The following MBOAT1 variants were observed in gnomAD, a reference collection of about 807,000 sequenced individuals.
The protein encoded by MBOAT1 is membrane bound glycerophospholipid O-acyltransferase 1.
Under a neutral mutation model 64.4 loss-of-function variants are expected in MBOAT1, and 67 were observed. That is an observed-to-expected ratio of 1.04 (90% confidence interval 0.85 to 1.27). The LOEUF is 1.27. Ranked by LOEUF, MBOAT1 falls within the 50% of genes most tolerant of loss-of-function variation. MBOAT1 has a pLI of 0.00. For synonymous variants in MBOAT1, 229 were observed against 218.9 expected (o/e 1.05, Z -0.41); for missense variants, 563 against 604.6 (o/e 0.93, Z 0.72).
intron 1 of MBOAT1, among the ~76,000 whole-genome samples, chr6:20,191,118 G>A (rs1581458366): frequency 6.6e-6 from 1 of 152,238 alleles, no homozygotes; most frequent in East Asian, 1.9e-4. Context: ...ACCAGTGTAT[G>A]AGGGCAGAAT....
chr6:20,181,459 G>A (rs148291597), intron 1 of MBOAT1, among the ~76,000 whole-genome samples: 2 of 152,016 alleles, frequency 1.3e-5, no homozygotes, highest in African/African-American at 4.8e-5. Flanking sequence ...GCTGGCCTTT[G>A]CGTCCATCTG....
At chr6:20,193,249 G>C (rs1466060303) in intron 1 of MBOAT1, among the ~76,000 whole-genome samples, 1 of 151,164 alleles carries the variant, frequency 6.6e-6, no homozygotes, top group African/African-American at 2.4e-5. Context: ...CTCCTGATCC[G>C]CCCGCCTAGG....
chr6:20,198,306 T>C (rs1159607814), intron 1 of MBOAT1, among the ~76,000 whole-genome samples: 5 of 151,722 alleles, frequency 3.3e-5, no homozygotes, highest in Admixed American at 6.6e-5. Context: ...ACGAAGCAAA[T>C]GGCAATCTTC....
intron 12 of MBOAT1, among the ~76,000 whole-genome samples, chr6:20,106,186 CT>C (rs1162644067): frequency 2.6e-5 from 4 of 152,208 alleles, no homozygotes; most frequent in African/African-American, 9.6e-5. Context: ...AATTTTATTT[CT>C]TCGCCAGATT....
At chr6:20,172,992 T>C (rs1009707718) in intron 1 of MBOAT1, among the ~76,000 whole-genome samples, 4 of 152,194 alleles carry the variant, frequency 2.6e-5, no homozygotes, top group Admixed American at 2.6e-4. Context: ...CTCGTGATAG[T>C]GAGTGAGTTC....
intron 11 of MBOAT1, among the ~76,000 whole-genome samples, chr6:20,110,693 T>C (rs1023639631): frequency 8.5e-5 from 13 of 152,174 alleles, no homozygotes; most frequent in Non-Finnish European, 2.9e-5. Context: ...TATGTATCCA[T>C]GTTAATATTC....
intron 1 of MBOAT1, among the ~76,000 whole-genome samples, chr6:20,177,244 C>T (rs1465584369): frequency 6.6e-6 from 1 of 152,188 alleles, no homozygotes; most frequent in East Asian, 1.9e-4. Context: ...AAGCAGCCAA[C>T]AGATGGGTTT....
chr6:20,102,806 TG>T (rs1759840228), intron 12 of MBOAT1, among the ~76,000 whole-genome samples: 2 of 152,212 alleles, frequency 1.3e-5, no homozygotes, highest in Admixed American at 1.3e-4. Context: ...CAGCCAATGA[TG>T]GACCACATTA....
intron 9 of MBOAT1, among the ~76,000 whole-genome samples, chr6:20,117,251 T>C (rs16883362): frequency 4.6e-5 from 7 of 152,232 alleles, no homozygotes; most frequent in Admixed American, 2.6e-4. Context: ...TCTAGGACTA[T>C]ACAAAAATGA....
chr6:20,137,215 G>C (rs937377715), intron 4 of MBOAT1, among the ~76,000 whole-genome samples: 1 of 152,194 alleles, frequency 6.6e-6, no homozygotes, highest in African/African-American at 2.4e-5. Context: ...CCCACTAGCA[G>C]TACATAAGAG....
chr6:20,125,527 T>C (rs1211206835), intron 7 of MBOAT1, among the ~76,000 whole-genome samples: 1 of 152,216 alleles, frequency 6.6e-6, no homozygotes, highest in Non-Finnish European at 1.5e-5. Flanking sequence ...AAGTGTTTCC[T>C]TGGAGAGTGG....
intron 1 of MBOAT1, among the ~76,000 whole-genome samples, chr6:20,168,733 G>C (rs1289693757): frequency 9.2e-6 from 1 of 108,808 alleles, no homozygotes; most frequent in Non-Finnish European, 1.9e-5. Context: ...GGAAGGAAAA[G>C]GAAGGGAGGG....
chr6:20,129,365 C>G (rs1380362843), intron 5 of MBOAT1, among the ~76,000 whole-genome samples: 3 of 152,184 alleles, frequency 2.0e-5, no homozygotes, highest in African/African-American at 7.2e-5. Flanking sequence ...CAAGTCACAT[C>G]CATGCTTTCT....
intron 1 of MBOAT1, among the ~76,000 whole-genome samples, chr6:20,165,275 C>T (rs1398574304): frequency 6.6e-6 from 1 of 152,052 alleles, no homozygotes; most frequent in Non-Finnish European, 1.5e-5. Flanking sequence ...GTCCAATCTG[C>T]TTCCACTTTG....
chr6:20,113,106 G>A, intron 10 of MBOAT1, 98 bp from the exon 11 acceptor site: 1 of 1,432,718 alleles, frequency 7.0e-7, no homozygotes, highest in Non-Finnish European at 9.3e-7. Context: ...AAAGCATTTG[G>A]TTGTTACTGA....
At chr6:20,103,670 A>G (rs2472754) in intron 12 of MBOAT1, among the ~76,000 whole-genome samples, 112,859 of 152,058 alleles carry the variant, frequency 0.74, 42,247 homozygotes, top group African/African-American at 0.81. Flanking sequence ...CAGGTGATGC[A>G]CCCACCTCAG....
At chr6:20,189,578 G>A (rs1762746842) in intron 1 of MBOAT1, among the ~76,000 whole-genome samples, 2 of 152,234 alleles carry the variant, frequency 1.3e-5, no homozygotes, top group South Asian at 2.1e-4. Flanking sequence ...CAATTTTCAA[G>A]AATACAACAC....
chr6:20,189,978 GT>G (rs879497541), intron 1 of MBOAT1, among the ~76,000 whole-genome samples: 46 of 147,024 alleles, frequency 3.1e-4, no homozygotes, highest in African/African-American at 5.9e-4. Flanking sequence ...AAAGCTCTAA[GT>G]TTTTTTTTTT....
chr6:20,168,493 G>C (rs1333199734), intron 1 of MBOAT1, among the ~76,000 whole-genome samples: 1 of 130,206 alleles, frequency 7.7e-6, no homozygotes, highest in Non-Finnish European at 1.6e-5. Context: ...GACAGAGACA[G>C]AGAGAGAGAG....
Sources: allele counts gnomAD v4.1 joint callset (sites outside exome capture counted in the v4.1 genomes callset), GRCh38; gene constraint gnomAD v4.1.1; transcripts MANE v1.5; gene names NCBI Gene and HGNC (gene_info 2026-07-23, HGNC 2026-07-21).